EDARADD: variants seen among roughly 807,000 people sequenced by gnomAD.
The protein encoded by EDARADD is ectodysplasin-A receptor-associated adapter protein.
Under a neutral mutation model 25.6 loss-of-function variants are expected in EDARADD, and 20 were observed. That is an observed-to-expected ratio of 0.78 (90% CI 0.55 to 1.14). EDARADD has a LOEUF of 1.14. Among genes scored for constraint, EDARADD ranks in the 50% most tolerant of loss-of-function variants. The probability of loss-of-function intolerance (pLI) is 0.00; values close to 1 mark genes in which losing one functional copy is unlikely to be tolerated. For synonymous variants in EDARADD, 86 were observed against 94.4 expected (o/e 0.91, Z 0.52); for missense variants, 225 against 270.1 (o/e 0.83, Z 1.17).
At chr1:236,378,408 A>C (rs139956791) in intron 3 of EDARADD, among the ~76,000 whole-genome samples, 5 of 152,296 alleles carry the variant, frequency 3.3e-5, no homozygotes, top group African/African-American at 9.6e-5. Context: ...GCAATTCTTC[A>C]GTTACAGTTC....
At chr1:236,354,437 C>T (rs538688747) in intron 3 of EDARADD, among the ~76,000 whole-genome samples, 6 of 152,184 alleles carry the variant, frequency 3.9e-5, no homozygotes, top group Non-Finnish European at 7.3e-5. Context: ...ATGATGATAA[C>T]ATCTGTGATC....
chr1:236,349,600 G>C (rs1346419857), intron 2 of EDARADD, among the ~76,000 whole-genome samples: 1 of 152,074 alleles, frequency 6.6e-6, no homozygotes, highest in African/African-American at 2.4e-5. Flanking sequence ...GTTGACAATT[G>C]GTTGAATTTA....
At chr1:236,369,417 G>C (rs993251907) in intron 3 of EDARADD, among the ~76,000 whole-genome samples, 3 of 152,118 alleles carry the variant, frequency 2.0e-5, no homozygotes, top group Non-Finnish European at 4.4e-5. Context: ...GATTGCAGAG[G>C]CCAAAGCAAC....
chr1:236,424,600 T>C (rs762818704), intron 3 of EDARADD, among the ~76,000 whole-genome samples: 2 of 152,154 alleles, frequency 1.3e-5, no homozygotes, highest in African/African-American at 2.4e-5. Context: ...GAACCTCAAA[T>C]CAGTATCATC....
chr1:236,478,393 T>TTA (rs1167423907), intron 5 of EDARADD, among the ~76,000 whole-genome samples: 28 of 128,828 alleles, frequency 2.2e-4, no homozygotes, highest in East Asian at 6.8e-4. Flanking sequence ...GTGTATGGAT[T>TTA]TATATATATA....
chr1:236,383,321 G>A (rs1193509229), intron 3 of EDARADD, among the ~76,000 whole-genome samples: 1 of 150,628 alleles, frequency 6.6e-6, no homozygotes. Context: ...CTTGAACCTA[G>A]GAGGTGGAGG....
chr1:236,444,870 T>C (rs954782737), intron 4 of EDARADD, among the ~76,000 whole-genome samples: 1 of 152,178 alleles, frequency 6.6e-6, no homozygotes, highest in Non-Finnish European at 1.5e-5. Context: ...TTCTGAGATA[T>C]GCCTGTAGTT....
chr1:236,405,874 C>CTTTCTTTCTTTCTTTCTTTCT, intron 1 of EDARADD, among the ~76,000 whole-genome samples: 1 of 30,920 alleles, frequency 3.2e-5, no homozygotes, highest in African/African-American at 1.2e-4. Context: ...TCCTTCCTTC[C>CTTTCTTTCTTTCTTTCTTTCT]TTCTTTCTTT....
intron 3 of EDARADD, among the ~76,000 whole-genome samples, chr1:236,379,421 G>T (rs12123748): frequency 6.6e-6 from 1 of 151,512 alleles, no homozygotes; most frequent in Non-Finnish European, 1.5e-5. Context: ...GCCTTCTCAA[G>T]AAAACAGATA....
intron 5 of EDARADD, among the ~76,000 whole-genome samples, chr1:236,469,013 C>CA (rs2103036138): frequency 6.6e-6 from 1 of 152,288 alleles, no homozygotes; most frequent in South Asian, 2.1e-4. Flanking sequence ...GACATTAGGT[C>CA]AGGTGTTAGT....
At chr1:236,469,237 G>T (rs675598) in intron 5 of EDARADD, among the ~76,000 whole-genome samples, 5,237 of 152,192 alleles carry the variant, frequency 0.034, 212 homozygotes, top group African/African-American at 0.1. Flanking sequence ...ACTTTGGGAG[G>T]CCAAGGTGGG....
In EDARADD at chr1:236,484,099, G is replaced by A; in HGVS notation, c.*1450G>A. The A allele has an allele frequency of 1.3e-6, 2 of 1,575,482 alleles. No homozygotes were observed. Among genetic ancestry groups the A allele is most frequent in the Non-Finnish European group, 1.7e-6 (2 of 1,146,156 alleles). ...TGGCAGAAGTTCACGGCCAGTGCAG[G>A]AATCCAGGTAGTGGAGGATGATCTC... is the stretch of plus-strand genomic sequence containing the variant. On this transcript the variant is annotated 3_prime_UTR_variant, in exon 6 of 6. Transcript: ENST00000334232. This position sits in a 1 kb window ranked among gnomAD's most constrained non-coding sequence, Gnocchi z 4.1.
intron 3 of EDARADD, among the ~76,000 whole-genome samples, chr1:236,417,968 T>C (rs1386499647): frequency 2.0e-5 from 3 of 151,562 alleles, no homozygotes; most frequent in Non-Finnish European, 4.4e-5. Flanking sequence ...TTTTCTTTTT[T>C]TTTGAGACGG....
intron 3 of EDARADD, among the ~76,000 whole-genome samples, chr1:236,371,707 T>G (rs1310575705): frequency 6.6e-6 from 1 of 151,116 alleles, no homozygotes; most frequent in African/African-American, 2.4e-5. Context: ...GTAGCTGGGA[T>G]TACAGGAGCC....
intron 4 of EDARADD, among the ~76,000 whole-genome samples, chr1:236,441,419 C>A (rs1658395776): frequency 7.1e-6 from 1 of 140,610 alleles, no homozygotes; most frequent in South Asian, 2.2e-4. Context: ...AGAAGAAAGC[C>A]CTAGATGGCA....
At position 236,482,972 on chromosome 1, in the gene EDARADD, G is replaced by T; in HGVS notation, c.*323G>T. The T allele has an allele frequency of 1.7e-6, 1 of 604,992 alleles. No homozygotes were observed. The highest frequency in any genetic ancestry group is 2.9e-6 in the Non-Finnish European group (1 of 345,372). 37.5% of individuals were successfully genotyped at this position (604,992 alleles called of 1,614,324 possible). On this transcript the variant is annotated 3_prime_UTR_variant, in exon 6 of 6. Coordinates refer to ENST00000334232, the MANE Select transcript of EDARADD (RefSeq NM_145861.4). ...TAAAATTATCCTCTCTCTGAAATACGGTAAAGATTTAAATAGGTCCTGAGA... is the reference window on the plus strand; with the variant it reads ...TAAAATTATCCTCTCTCTGAAATACTGTAAAGATTTAAATAGGTCCTGAGA...
chr1:236,433,888 A>C (rs1349177224), intron 4 of EDARADD, among the ~76,000 whole-genome samples: 2 of 60,760 alleles, frequency 3.3e-5, no homozygotes, highest in East Asian at 4.6e-4. Flanking sequence ...AAAACAAACA[A>C]ACAAAAAAAA....
chr1:236,395,999 A>G lies in EDARADD; in HGVS notation c.61+1494A>G, dbSNP rs1326165733. Among the ~76,000 whole-genome samples the G allele has an allele frequency of 6.6e-6, 1 of 152,164 alleles. No individual in the cohort carries two copies. Among genetic ancestry groups the G allele is most frequent in the Non-Finnish European group, 1.5e-5 (1 of 68,022 alleles). On this transcript the variant is annotated intron_variant, in intron 1 of 5. Transcript: ENST00000334232. This position sits in a 1 kb window ranked among gnomAD's most constrained non-coding sequence, Gnocchi z 6.9. Reference sequence around the variant, plus strand: ...ACACGTCCTGCAAACCTCTGGCAGAAATGGGCGCAAGGGGGTGGATTTCGT... The same window carrying G: ...ACACGTCCTGCAAACCTCTGGCAGAGATGGGCGCAAGGGGGTGGATTTCGT...
chr1:236,405,486 T>C (rs1667691119), intron 1 of EDARADD, among the ~76,000 whole-genome samples: 1 of 152,168 alleles, frequency 6.6e-6, no homozygotes, highest in South Asian at 2.1e-4. Context: ...CTCCTCATGG[T>C]GCAGAGGAAG....
Sources: allele counts gnomAD v4.1 joint callset (sites outside exome capture counted in the v4.1 genomes callset), GRCh38; gene constraint gnomAD v4.1.1; non-coding constraint Gnocchi (gnomAD v3.1); transcripts MANE v1.5; gene names NCBI Gene and HGNC (gene_info 2026-07-23, HGNC 2026-07-21).